Variants in MBTPS2 observed in about 807,000 individuals in gnomAD.
The protein encoded by MBTPS2 is membrane-bound transcription factor site-2 protease.
MBTPS2 carries 2 observed loss-of-function variants against 35.4 expected under a neutral mutation model. The observed-to-expected ratio is 0.06, with a 90% CI of 0.02 to 0.18. The LOEUF is 0.18. MBTPS2 is among the 10% of genes least tolerant of loss of function. The pLI, the probability that MBTPS2 is intolerant of heterozygous loss-of-function variation, is 1.00. For missense variants in MBTPS2, 244 were observed against 386.5 expected, an observed-to-expected ratio of 0.63 and a Z score of 3.09; for synonymous variants, 125 against 140.4, an observed-to-expected ratio of 0.89 and a Z score of 0.77.
chrX:21,863,340 T>G (rs2092935549), intron 5 of MBTPS2, among the ~76,000 whole-genome samples: 1 of 108,424 alleles, frequency 9.2e-6, no homozygotes, highest in African/African-American at 3.3e-5. Flanking sequence ...ATTAGAAAAC[T>G]TGCTGCTTTG....
intron 4 of MBTPS2, 138 bp from the exon 5 acceptor site, chrX:21,853,238 T>G: frequency 2.4e-6 from 1 of 408,717 alleles, no homozygotes; most frequent in Non-Finnish European, 4.2e-6. Flanking sequence ...AGATATAATT[T>G]TTTTGGCTGT....
At chrX:21,874,001 G>A (rs57686742) in intron 7 of MBTPS2, among the ~76,000 whole-genome samples, 22,947 of 60,197 alleles carry the variant, frequency 0.38, 4,408 homozygotes, top group African/African-American at 0.64. Context: ...GTGTGTGTGT[G>A]TATATATATA....
chrX:21,850,026 CAAAAAAAAAA>C (rs757928757), intron 3 of MBTPS2, among the ~76,000 whole-genome samples: 1 of 27,455 alleles, frequency 3.6e-5, no homozygotes, highest in Non-Finnish European at 6.6e-5. Flanking sequence ...GACTCCGTCT[CAAAAAAAAAA>C]AAAAAAAAAA....
intron 3 of MBTPS2, among the ~76,000 whole-genome samples, chrX:21,849,171 A>G (rs1162505838): frequency 8.9e-6 from 1 of 111,986 alleles, no homozygotes; most frequent in Non-Finnish European, 1.9e-5. Context: ...GTAGGAAACC[A>G]TGAATACTAA....
At chrX:21,862,475 A>G (rs1226012838) in intron 5 of MBTPS2, among the ~76,000 whole-genome samples, 1 of 110,542 alleles carries the variant, frequency 9.0e-6, no homozygotes, top group Non-Finnish European at 1.9e-5. Context: ...TATCTGCCAT[A>G]GGATAGGATA....
At chrX:21,867,414 T>TA (rs1473469711) in intron 5 of MBTPS2, among the ~76,000 whole-genome samples, 3 of 111,067 alleles carry the variant, frequency 2.7e-5, no homozygotes, top group Non-Finnish European at 5.7e-5. Flanking sequence ...ATCACACACA[T>TA]ACACAAAAAT....
rs1569325685 is a variant in MBTPS2 at position 21,862,899 on chromosome X, A to AATATATATAAATATATAT, written c.671-5567_671-5566insTATATATAAATATATATA. Among the ~76,000 whole-genome samples, 7 of 68,729 alleles carry AATATATATAAATATATAT rather than the reference A, an allele frequency of 1.0e-4. 1 individual carries two copies. The highest frequency in any genetic ancestry group is 3.9e-4 in the African/African-American group (7 of 17,843). The allele number at this position is 68,729 out of a possible 115,157, so 59.7% of individuals were successfully genotyped here. A position where few individuals can be genotyped will look rare whatever the true frequency, so the allele number is the denominator to read the frequency against. ...ATAAATATATATACACATATATATA[A>AATATATATAAATATATAT]ACATATATAAATATATAAACATATA... On this transcript the variant is annotated intron_variant, in intron 5 of 10. Transcript: ENST00000379484.
chrX:21,844,579 A>G (rs1261308085), intron 2 of MBTPS2, among the ~76,000 whole-genome samples: 1 of 112,478 alleles, frequency 8.9e-6, no homozygotes, highest in Non-Finnish European at 1.9e-5. Flanking sequence ...AAAACATAGT[A>G]AGACTATTAA....
intron 7 of MBTPS2, among the ~76,000 whole-genome samples, chrX:21,876,629 T>C (rs2092953478): frequency 9.1e-6 from 1 of 110,381 alleles, no homozygotes; most frequent in Non-Finnish European, 1.9e-5. Context: ...ACCAGTTAGT[T>C]TCCTTTGCCT....
chrX:21,854,800 T>C (rs999391833), intron 5 of MBTPS2, among the ~76,000 whole-genome samples: 3 of 112,115 alleles, frequency 2.7e-5, no homozygotes, highest in Non-Finnish European at 5.6e-5. Context: ...ACAATATTTT[T>C]TCAAGTGCCC....
At position 21,878,702 on chromosome X, in the gene MBTPS2, T is replaced by C; in HGVS notation, c.1261+10T>C. ...CATCTTCACTACACAGGTGAGTATT[T>C]TTGTGGTAGACCCTTAGAAAATCAT... is the stretch of plus-strand genomic sequence containing the variant. On this transcript the variant is annotated intron_variant, in intron 9 of 10. Transcript: ENST00000379484. 8.7e-7 allele frequency: 1 copy of C among 1,152,463 alleles called. No homozygotes were observed. The allele number at this position is 1,152,463 out of a possible 1,213,427, so 95.0% of individuals were successfully genotyped here.
chrX:21,859,905 C>T (rs143691636), intron 5 of MBTPS2, among the ~76,000 whole-genome samples: 1,232 of 110,409 alleles, frequency 0.011, 15 homozygotes, highest in African/African-American at 0.039. Context: ...TCAGCCTGGG[C>T]AACATGGCAT....
chrX:21,873,025 C>A (rs1279198784), intron 7 of MBTPS2: 1 of 111,148 alleles, frequency 9.0e-6, no homozygotes, highest in Non-Finnish European at 1.9e-5. Context: ...GAATTCAGTA[C>A]ACATAACTAA....
intron 5 of MBTPS2, 86 bp from the exon 6 acceptor site, chrX:21,868,381 C>A: frequency 1.6e-6 from 1 of 610,495 alleles, no homozygotes; most frequent in Non-Finnish European, 2.9e-6. Flanking sequence ...ATTAATTTAT[C>A]AGAATGCCCA....
At chrX:21,864,422 T>C (rs2382758) in intron 5 of MBTPS2, among the ~76,000 whole-genome samples, 51,806 of 109,863 alleles carry the variant, frequency 0.47, 9,263 homozygotes, top group African/African-American at 0.62. Flanking sequence ...TTTTTAGAGA[T>C]GGGGTTTCAC....
chrX:21,852,737 T>C (rs1392994491), intron 4 of MBTPS2, among the ~76,000 whole-genome samples: 1 of 110,544 alleles, frequency 9.0e-6, no homozygotes, highest in African/African-American at 3.3e-5. Context: ...CTAGGGGGGC[T>C]GTTTGGTTTT....
At chrX:21,856,173 G>A (rs2092920932) in intron 5 of MBTPS2, 1 of 283,427 alleles carries the variant, frequency 3.5e-6, no homozygotes, top group South Asian at 1.2e-4. Flanking sequence ...ACGTACGCGG[G>A]CACGTGCACG....
chrX:21,872,379 T>TCTTATTAAC (rs1420495343), intron 7 of MBTPS2: 1 of 111,941 alleles, frequency 8.9e-6, no homozygotes, highest in African/African-American at 3.2e-5. Context: ...GAAACTCTCT[T>TCTTATTAAC]CTTATTAACT....
chrX:21,866,663 T>G (rs916976189), intron 5 of MBTPS2, among the ~76,000 whole-genome samples: 3 of 111,588 alleles, frequency 2.7e-5, no homozygotes, highest in Non-Finnish European at 5.6e-5. Context: ...ACAGATGTCG[T>G]GTTCCTATGT....
Sources: gnomAD v4.1 joint callset for allele counts (sites outside exome capture counted in the v4.1 genomes callset) on GRCh38, gnomAD v4.1.1 for gene constraint, MANE v1.5 for transcripts, NCBI Gene and HGNC (gene_info 2026-07-23, HGNC 2026-07-21) for gene names.